Variants in GALNT13 observed in about 807,000 individuals in gnomAD.
GALNT13 encodes polypeptide N-acetylgalactosaminyltransferase 13, also known as UDP-GalNAc:polypeptide N-acetylgalactosaminyltransferase 13.
GALNT13 carries 28 observed loss-of-function variants against 64.2 expected under a neutral mutation model. That is an observed-to-expected ratio of 0.44 (90% CI 0.32 to 0.60). GALNT13 has a LOEUF of 0.60. GALNT13 is among the 20% of genes least tolerant of loss of function. The pLI, the probability that GALNT13 is intolerant of heterozygous loss-of-function variation, is 0.05. For missense variants in GALNT13, 577 were observed against 669.8 expected (o/e 0.86, Z 1.53); for synonymous variants, 214 against 224.6 (o/e 0.95, Z 0.42).
chr2:153,855,313 C>T, the GALNT13 span, among the ~76,000 whole-genome samples: 3 of 151,990 alleles, frequency 2.0e-5, no homozygotes, highest in Admixed American at 2.0e-4. Flanking sequence ...AAATGGACAC[C>T]TAATGCATTA....
At chr2:153,942,978 A>C (rs1279391471) in intron 2 of GALNT13, among the ~76,000 whole-genome samples, 1 of 152,154 alleles carries the variant, frequency 6.6e-6, no homozygotes, top group African/African-American at 2.4e-5. Context: ...TGTTCACCCC[A>C]ATTAGCTCTG....
chr2:154,306,393 A>G (rs1693733947), intron 9 of GALNT13, among the ~76,000 whole-genome samples: 2 of 151,898 alleles, frequency 1.3e-5, no homozygotes, highest in African/African-American at 4.8e-5. Flanking sequence ...GAGTGAGAAC[A>G]TGCAGTGTTT....
chr2:154,293,524 C>T (rs1685179035), intron 8 of GALNT13, among the ~76,000 whole-genome samples: 1 of 152,102 alleles, frequency 6.6e-6, no homozygotes, highest in African/African-American at 2.4e-5. Context: ...ATATCAAGTG[C>T]CAGGCATAGT....
At chr2:153,990,708 G>T (rs563117233) in intron 3 of GALNT13, among the ~76,000 whole-genome samples, 9 of 152,254 alleles carry the variant, frequency 5.9e-5, no homozygotes, top group Non-Finnish European at 1.2e-4. Flanking sequence ...TCCCAAAGCA[G>T]TGTTAGCAAC....
At chr2:154,344,691 A>C (rs1695968932) in intron 9 of GALNT13, among the ~76,000 whole-genome samples, 1 of 152,004 alleles carries the variant, frequency 6.6e-6, no homozygotes, top group Admixed American at 6.6e-5. Flanking sequence ...CAATCTTGCA[A>C]TACTACCACC....
chr2:154,318,998 T>C (rs1694478032), intron 9 of GALNT13, among the ~76,000 whole-genome samples: 1 of 152,148 alleles, frequency 6.6e-6, no homozygotes, highest in Admixed American at 6.6e-5. Context: ...TTCATTGTAC[T>C]GGTAAAGTTC....
Position 154,438,312 on chromosome 2 carries a change from G to A in GALNT13, c.1396-280G>A, listed in dbSNP as rs370555398. On this transcript the variant is annotated intron_variant, in intron 11 of 12. Coordinates refer to ENST00000392825, the MANE Select transcript of GALNT13 (RefSeq NM_052917.4). The stretch of plus-strand genomic sequence containing the variant: ...ACCTATTGAGAGCTTTATAATGCAA[G>A]TATCATGAAAGAACTACAGTGCCAG... Among the ~76,000 whole-genome samples the A allele has an allele frequency of 8.4e-4, 128 of 152,318 alleles. 2 individuals carry two copies. In the South Asian group the frequency reaches 0.025, roughly 30 times the overall value.
At chr2:153,292,101 A>G in the GALNT13 span, among the ~76,000 whole-genome samples, 2 of 152,124 alleles carry the variant, frequency 1.3e-5, no homozygotes, top group African/African-American at 2.4e-5. Flanking sequence ...AATGATTGTA[A>G]TCATAATTCA....
chr2:153,279,267 T>C, the GALNT13 span, among the ~76,000 whole-genome samples: 2 of 152,278 alleles, frequency 1.3e-5, no homozygotes, highest in East Asian at 3.9e-4. Context: ...AGAGGAGTCT[T>C]TGGGATTTCT....
At chr2:153,553,150 T>C in the GALNT13 span, among the ~76,000 whole-genome samples, 2 of 152,206 alleles carry the variant, frequency 1.3e-5, no homozygotes, top group African/African-American at 4.8e-5. Context: ...TGTCAGAAAC[T>C]AAGATATGGA....
chr2:153,094,270 C>T, the GALNT13 span, among the ~76,000 whole-genome samples: 1 of 151,868 alleles, frequency 6.6e-6, no homozygotes, highest in African/African-American at 2.4e-5. Context: ...GCTATAACTT[C>T]CCTCTGTATA....
intron 1 of GALNT13, among the ~76,000 whole-genome samples, chr2:153,877,397 C>T (rs987515359): frequency 2.0e-5 from 3 of 152,074 alleles, no homozygotes; most frequent in African/African-American, 2.4e-5. Context: ...CATTGGTGAA[C>T]GTAATGCATG....
At chr2:153,105,469 G>A in the GALNT13 span, among the ~76,000 whole-genome samples, 1 of 152,114 alleles carries the variant, frequency 6.6e-6, no homozygotes, top group Non-Finnish European at 1.5e-5. Flanking sequence ...GCACAAGACA[G>A]GGATGCCCTC....
At chr2:153,855,295 T>C in the GALNT13 span, among the ~76,000 whole-genome samples, 8 of 152,112 alleles carry the variant, frequency 5.3e-5, no homozygotes, top group Non-Finnish European at 8.8e-5. Flanking sequence ...GTAGGGAAAA[T>C]ATTCCTTAAA....
chr2:154,387,722 A>G (rs1698582597), intron 9 of GALNT13, among the ~76,000 whole-genome samples: 4 of 152,236 alleles, frequency 2.6e-5, no homozygotes, highest in Admixed American at 1.3e-4. Context: ...AATGTCCTTC[A>G]GCTTCATTCA....
intron 3 of GALNT13, among the ~76,000 whole-genome samples, chr2:154,138,929 T>C (rs1683103067): frequency 6.6e-6 from 1 of 152,130 alleles, no homozygotes. Flanking sequence ...TATTTTTGCT[T>C]TTTAAAGTGA....
the GALNT13 span, among the ~76,000 whole-genome samples, chr2:153,498,287 T>C: frequency 6.6e-6 from 1 of 152,242 alleles, no homozygotes; most frequent in East Asian, 1.9e-4. Flanking sequence ...GGGTGTCACT[T>C]CGCCAGCTGG....
chr2:154,322,198 C>T (rs1028934796), intron 9 of GALNT13, among the ~76,000 whole-genome samples: 4 of 131,670 alleles, frequency 3.0e-5, no homozygotes, highest in Non-Finnish European at 6.2e-5. Context: ...ACTGACCTAA[C>T]CTCACAGGCA....
chr2:153,224,713 T>C, the GALNT13 span, among the ~76,000 whole-genome samples: 1 of 152,300 alleles, frequency 6.6e-6, no homozygotes, highest in Admixed American at 6.5e-5. Flanking sequence ...AAAAGGATAC[T>C]ATGAAAACTG....
Sources: allele counts gnomAD v4.1 joint callset (sites outside exome capture counted in the v4.1 genomes callset), GRCh38; gene constraint gnomAD v4.1.1; transcripts MANE v1.5; gene names NCBI Gene and HGNC (gene_info 2026-07-23, HGNC 2026-07-21).